MORN1: variants seen among roughly 807,000 people sequenced by gnomAD.
MORN1 encodes the protein MORN repeat-containing protein 1.
Under a neutral mutation model 61.9 loss-of-function variants are expected in MORN1, and 67 were observed. The ratio of observed to expected loss-of-function variants is 1.08; its 90% CI spans 0.89 to 1.33. The LOEUF (loss-of-function observed/expected upper bound fraction) is 1.33. Ranked by LOEUF, MORN1 falls within the 40% of genes most tolerant of loss-of-function variation. The pLI is 0.00. For missense variants in MORN1, 752 were observed against 691.2 expected (o/e 1.09, Z -0.99); for synonymous variants, 301 against 292.0 (o/e 1.03, Z -0.31).
rs768553630 is a variant in MORN1, at chr1:2,387,441, C to G, written c.336G>C (p.Glu112Asp). 6.2e-7 allele frequency: 1 copy of G among 1,613,556 alleles called. No homozygotes were observed. The highest frequency in any genetic ancestry group is 2.2e-5 in the East Asian group (1 of 44,882). The change falls in exon 4 of 14, where the codon GAG becomes GAC. Residue 112 changes from glutamate (E) to aspartate (D), a missense_variant. Physicochemically the swap from Glu to Asp is conservative, Grantham distance 45. Coordinates refer to ENST00000378531, the MANE Select transcript of MORN1 (RefSeq NM_024848.3). ...EYKAGGCYEG[E>D]VSHGMREGHG... ...GACCTTCCCGCATGCCGTGGGAGAC[C>G]TCCCCTTCATAACATCCGCCGGCTT...
chr1:2,359,441 C>T (rs1641846551), intron 8 of MORN1, among the ~76,000 whole-genome samples: 1 of 152,206 alleles, frequency 6.6e-6, no homozygotes, highest in Admixed American at 6.5e-5. Context: ...AGTGCAGATG[C>T]TCTGGGCCCC....
intron 10 of MORN1, among the ~76,000 whole-genome samples, chr1:2,344,344 G>A (rs1233953396): frequency 2.6e-5 from 4 of 152,238 alleles, no homozygotes; most frequent in Non-Finnish European, 1.5e-5. Flanking sequence ...GCTCCGGTGA[G>A]CACACTCGAC....
At position 2,389,896 on chromosome 1, in the gene MORN1, T is replaced by A. The variant is rs202099644; in HGVS notation, c.148+29A>T. The A allele has an allele frequency of 1.9e-5, 31 of 1,606,462 alleles. 1 individual carries two copies. In the East Asian group the frequency reaches 6.7e-4, roughly 35 times the overall value. ...GTTTCGTCAGCTGTGGGGCAGCAGCTGCAAGAAGAGACCACAGATGCTTCT... is the reference window on the plus strand; with the variant it reads ...GTTTCGTCAGCTGTGGGGCAGCAGCAGCAAGAAGAGACCACAGATGCTTCT... On this transcript the variant is annotated intron_variant, in intron 2 of 13. Coordinates refer to ENST00000378531, the MANE Select transcript of MORN1 (RefSeq NM_024848.3).
At chr1:2,360,355 C>T (rs911132079) in intron 8 of MORN1, among the ~76,000 whole-genome samples, 2 of 152,160 alleles carry the variant, frequency 1.3e-5, no homozygotes, top group East Asian at 1.9e-4. Context: ...CCAAGAAAGC[C>T]GACAAAGTGC....
At chr1:2,341,074 C>T (rs1466880272) in intron 10 of MORN1, among the ~76,000 whole-genome samples, 2 of 152,266 alleles carry the variant, frequency 1.3e-5, no homozygotes, top group Non-Finnish European at 2.9e-5. Flanking sequence ...GCTGGCCTTG[C>T]CCTTCTGTCC....
chr1:2,322,661 G>C, intron 13 of MORN1: 1 of 985,274 alleles, frequency 1.0e-6, no homozygotes, highest in South Asian at 4.7e-5. Flanking sequence ...CCTCCCTGGC[G>C]GGCGGAGGAA....
At chr1:2,378,303 C>T (rs983187907) in intron 6 of MORN1, 1 of 152,790 alleles carries the variant, frequency 6.5e-6, no homozygotes, top group Non-Finnish European at 1.5e-5. Context: ...TCCCCACAGG[C>T]CATGCGTGCT....
Position 2,357,490 on chromosome 1 carries a change from G to T in MORN1, c.978C>A (p.Asp326Glu). ...GGAGGGCACCCAAATGCAGCTCCAG[G>T]TCTCCCCTGGGCAGGGGCACGTCGG... Reference protein sequence around the residue: ...AEADVPLPRGDLELHLGALHG... With the variant: ...AEADVPLPRGELELHLGALHG... The change falls in exon 10 of 14, where the codon GAC becomes GAA. Residue 326 changes from aspartate to glutamate, a missense_variant. Physicochemically the swap from Asp to Glu is conservative, Grantham distance 45. Coordinates refer to ENST00000378531, the MANE Select transcript of MORN1 (RefSeq NM_024848.3). The surrounding 1 kb of genome is among the most constrained non-coding windows in gnomAD (Gnocchi z 6.3). 1 of 1,612,536 alleles carries T rather than the reference G, an allele frequency of 6.2e-7. No homozygotes were observed. Among genetic ancestry groups the T allele is most frequent in the Non-Finnish European group, 8.5e-7 (1 of 1,179,580 alleles).
intron 11 of MORN1, 54 bp downstream of exon 11, chr1:2,336,663 C>T: frequency 1.9e-6 from 3 of 1,561,140 alleles, no homozygotes; most frequent in Non-Finnish European, 1.7e-6. Context: ...GGTGGGTGGG[C>T]AGGGATAGTC....
chr1:2,322,224 T>C lies in MORN1; in HGVS notation c.1298-645A>G, dbSNP rs537261079. ...GTTGGAGAAACCATAAAAAAGAAAA[T>C]AAGAAATAACAAAAAGTGAGGTTGC... On this transcript the variant is annotated intron_variant, in intron 13 of 13. Coordinates refer to ENST00000378531, the MANE Select transcript of MORN1 (RefSeq NM_024848.3). 12 of 984,994 alleles carry C rather than the reference T, an allele frequency of 1.2e-5. No homozygotes were observed. In the South Asian group the frequency reaches 5.2e-4, roughly 42 times the overall value. 61.0% of individuals were successfully genotyped at this position (984,994 alleles called of 1,614,324 possible). A position where few individuals can be genotyped will look rare whatever the true frequency, so the allele number is the denominator to read the frequency against.
At chr1:2,385,552 G>C (rs933497502) in intron 5 of MORN1, 2 of 287,922 alleles carry the variant, frequency 6.9e-6, no homozygotes, top group East Asian at 8.0e-5. Flanking sequence ...TTTTAATCGG[G>C]GGGGGGGGGG....
intron 3 of MORN1, chr1:2,387,828 TA>T (rs1171749958): frequency 1.6e-5 from 7 of 443,600 alleles, no homozygotes; most frequent in Non-Finnish European, 2.9e-5. Context: ...CCTGGCTCTT[TA>T]AAAACTGAAA....
At chr1:2,364,415 G>GTTTGT (rs35143453) in intron 8 of MORN1, among the ~76,000 whole-genome samples, 1 of 144,036 alleles carries the variant, frequency 6.9e-6, no homozygotes, top group African/African-American at 2.6e-5. Flanking sequence ...TGATGGGGTT[G>GTTTGT]TTTTTTTCTT....
intron 7 of MORN1, among the ~76,000 whole-genome samples, chr1:2,373,353 C>A (rs971185926): frequency 6.6e-6 from 1 of 152,218 alleles, no homozygotes; most frequent in Non-Finnish European, 1.5e-5. Context: ...CCTGTGGGAG[C>A]TCCTGCTGTG....
At chr1:2,329,397 C>A (rs183892420) in intron 12 of MORN1, among the ~76,000 whole-genome samples, 1 of 152,216 alleles carries the variant, frequency 6.6e-6, no homozygotes, top group Non-Finnish European at 1.5e-5. Context: ...CACCTGGAGG[C>A]GCTTCCAGCA....
intron 6 of MORN1, among the ~76,000 whole-genome samples, chr1:2,381,257 C>A (rs1426586714): frequency 6.6e-6 from 1 of 152,248 alleles, no homozygotes; most frequent in Non-Finnish European, 1.5e-5. Context: ...GGATGGGAGC[C>A]CAGCCTGTCC....
At chr1:2,355,101 G>T in intron 10 of MORN1, 12 of 1,005,596 alleles carry the variant, frequency 1.2e-5, no homozygotes, top group Non-Finnish European at 1.4e-5. Flanking sequence ...GCGGGGTAGG[G>T]TGCGATGCAG....
chr1:2,344,176 C>G (rs1024709069), intron 10 of MORN1, among the ~76,000 whole-genome samples: 1 of 152,210 alleles, frequency 6.6e-6, no homozygotes, highest in Non-Finnish European at 1.5e-5. Flanking sequence ...GGAGGATGTC[C>G]AGGGGCACTG....
At chr1:2,356,325 G>A (rs1400810147) in intron 10 of MORN1, among the ~76,000 whole-genome samples, 1 of 152,152 alleles carries the variant, frequency 6.6e-6, no homozygotes, top group Admixed American at 6.5e-5. Context: ...GACCAGGGAC[G>A]TCTCGTCAAA....
Sources: gnomAD v4.1 joint callset for allele counts (sites outside exome capture counted in the v4.1 genomes callset) on GRCh38, gnomAD v4.1.1 for gene constraint, Gnocchi (gnomAD v3.1) non-coding constraint, MANE v1.5 for transcripts, NCBI Gene and HGNC (gene_info 2026-07-23, HGNC 2026-07-21) for gene names.